DCC: variants seen among roughly 807,000 people sequenced by gnomAD.
DCC encodes netrin receptor DCC.
In DCC, 58 loss-of-function variants were observed where a neutral mutation model predicts 172.5. The ratio of observed to expected loss-of-function variants is 0.34; its 90% CI spans 0.27 to 0.42. DCC has a LOEUF of 0.42. Among genes scored for constraint, DCC ranks in the 10% least tolerant of loss-of-function variants. The probability of loss-of-function intolerance (pLI) is 1.00; values close to 1 mark genes in which losing one functional copy is unlikely to be tolerated. For missense variants in DCC, 1,740 were observed against 1,791.0 expected (o/e 0.97, Z 0.51); for synonymous variants, 709 against 644.5 (o/e 1.10, Z -1.52).
At chr18:53,046,484 A>T (rs115344458) in intron 5 of DCC, among the ~76,000 whole-genome samples, 2,087 of 151,620 alleles carry the variant, frequency 0.014, 66 homozygotes, top group African/African-American at 0.048. Flanking sequence ...AACTGGAAAA[A>T]AAAAAGCCTG....
At chr18:53,426,701 C>T (rs1599135799) in intron 21 of DCC, among the ~76,000 whole-genome samples, 2 of 151,982 alleles carry the variant, frequency 1.3e-5, no homozygotes, top group African/African-American at 4.8e-5. Flanking sequence ...ATTCACTTAA[C>T]ATTTTCCGTC....
In DCC at chr18:52,752,220, T is replaced by C; in HGVS notation, c.258T>C (p.Asp86=). Residue 86 remains aspartate, a synonymous_variant, in exon 2 of 29, where the codon GAT becomes GAC. Coordinates refer to ENST00000442544, the MANE Select transcript of DCC (RefSeq NM_005215.4). ...KDGIHLALGM[D]ERKQQLSNGS... ...GCATTCATCTGGCCTTGGGAATGGA[T>C]GAAAGGAAGCAGCAACTTTCAAATG... The C allele has an allele frequency of 6.2e-7, 1 of 1,614,148 alleles. No individual in the cohort carries two copies. Among genetic ancestry groups the C allele is most frequent in the Non-Finnish European group, 8.5e-7 (1 of 1,180,032 alleles).
intron 27 of DCC, among the ~76,000 whole-genome samples, chr18:53,517,318 G>A (rs1302453264): frequency 4.0e-5 from 6 of 151,662 alleles, no homozygotes; most frequent in Non-Finnish European, 5.9e-5. Flanking sequence ...GGAGGCGGGA[G>A]GAATAGCATT....
Position 52,698,764 on chromosome 18 carries a change from A to AT in DCC, c.92-53272dup, listed in dbSNP as rs34646550. 1.8e-3 allele frequency among the ~76,000 whole-genome samples: 248 copies of AT among 134,156 alleles called. 3 individuals carry two copies. The highest frequency in any genetic ancestry group is 5.8e-3 in the African/African-American group (206 of 35,664). The allele number at this position is 134,156 out of a possible 152,430, so 88.0% of individuals were successfully genotyped here. On this transcript the variant is annotated intron_variant, in intron 1 of 28. Coordinates refer to ENST00000442544, the MANE Select transcript of DCC (RefSeq NM_005215.4). Reference sequence around the variant, plus strand: ...CAGGCTCCCGCCACCACGCCTGGCTATTTTTTTTTTTTTTTTTTGTAGTTT... The same window carrying AT: ...CAGGCTCCCGCCACCACGCCTGGCTATTTTTTTTTTTTTTTTTTTGTAGTTT...
intron 1 of DCC, among the ~76,000 whole-genome samples, chr18:52,551,424 G>A (rs535920993): frequency 2.3e-4 from 35 of 151,952 alleles, no homozygotes; most frequent in Non-Finnish European, 3.8e-4. Context: ...CCTCAGTGAC[G>A]CTCTACCATA....
rs116340841 is a variant in DCC, at chr18:52,975,397, C to T, written c.985+50027C>T. 6.2e-3 allele frequency among the ~76,000 whole-genome samples: 945 copies of T among 152,084 alleles called. 8 individuals carry two copies. The highest frequency in any genetic ancestry group is 0.02 in the African/African-American group (827 of 41,468). ...TATTCTAAGTTCAGGGGTACTCGTGCGGGTTTGTTGCATAGGTAAACTTGT... is the reference window on the plus strand; with the variant it reads ...TATTCTAAGTTCAGGGGTACTCGTGTGGGTTTGTTGCATAGGTAAACTTGT... On this transcript the variant is annotated intron_variant, in intron 5 of 28. Coordinates refer to ENST00000442544, the MANE Select transcript of DCC (RefSeq NM_005215.4).
At chr18:53,484,957 T>A (rs969339671) in intron 25 of DCC, among the ~76,000 whole-genome samples, 1 of 151,842 alleles carries the variant, frequency 6.6e-6, no homozygotes, top group African/African-American at 2.4e-5. Flanking sequence ...TACACAGAGA[T>A]AGAGAATGAA....
chr18:52,535,879 T>G (rs1021278299), intron 1 of DCC, among the ~76,000 whole-genome samples: 1 of 152,132 alleles, frequency 6.6e-6, no homozygotes, highest in Admixed American at 6.6e-5. Context: ...CAAAGCCTGA[T>G]TACACAGTGC....
chr18:52,632,526 T>C (rs1378559145), intron 1 of DCC, among the ~76,000 whole-genome samples: 1 of 152,190 alleles, frequency 6.6e-6, no homozygotes, highest in Non-Finnish European at 1.5e-5. Flanking sequence ...CATCCAACAA[T>C]TCAAAGTCAA....
At chr18:52,354,373 T>C (rs1224909640) in intron 1 of DCC, among the ~76,000 whole-genome samples, 2 of 152,160 alleles carry the variant, frequency 1.3e-5, no homozygotes, top group Non-Finnish European at 2.9e-5. Flanking sequence ...CAAGGCCTAT[T>C]ATGAGGGGAT....
chr18:52,650,941 T>C (rs1018814111), intron 1 of DCC, among the ~76,000 whole-genome samples: 5 of 152,156 alleles, frequency 3.3e-5, no homozygotes, highest in Admixed American at 1.3e-4. Context: ...ATACAAGAAG[T>C]ACAAAGAACA....
chr18:53,121,357 A>C (rs1366923645), intron 7 of DCC, among the ~76,000 whole-genome samples: 1 of 151,952 alleles, frequency 6.6e-6, no homozygotes, highest in African/African-American at 2.4e-5. Context: ...AAATTATGTT[A>C]AATATTATAG....
At chr18:52,756,695 C>T (rs1456622358) in intron 2 of DCC, among the ~76,000 whole-genome samples, 1 of 152,168 alleles carries the variant, frequency 6.6e-6, no homozygotes, top group Admixed American at 6.5e-5. Flanking sequence ...TCTGGCCAAG[C>T]ACATCTTCCC....
intron 1 of DCC, among the ~76,000 whole-genome samples, chr18:52,454,619 CT>C (rs1346834068): frequency 6.6e-6 from 1 of 152,064 alleles, no homozygotes; most frequent in African/African-American, 2.4e-5. Context: ...TGACCCTCAC[CT>C]TGTCGAAAAT....
At chr18:53,011,094 A>T (rs1477803176) in intron 5 of DCC, among the ~76,000 whole-genome samples, 3 of 151,482 alleles carry the variant, frequency 2.0e-5, no homozygotes, top group Admixed American at 6.6e-5. Context: ...CTTTAAAAAC[A>T]TCCCTAAACT....
At chr18:53,456,820 T>C (rs1323351233) in intron 23 of DCC, among the ~76,000 whole-genome samples, 1 of 152,202 alleles carries the variant, frequency 6.6e-6, no homozygotes, top group Non-Finnish European at 1.5e-5. Context: ...GCAGCAGTCG[T>C]GTCAAGAACC....
At chr18:52,891,318 C>T (rs1322460842) in intron 2 of DCC, among the ~76,000 whole-genome samples, 2 of 152,044 alleles carry the variant, frequency 1.3e-5, no homozygotes, top group Non-Finnish European at 2.9e-5. Context: ...TAATTTGCTT[C>T]AGTAGCTTCA....
chr18:53,018,880 A>G (rs2143910773), intron 5 of DCC, among the ~76,000 whole-genome samples: 1 of 152,290 alleles, frequency 6.6e-6, no homozygotes, highest in African/African-American at 2.4e-5. Flanking sequence ...TTATACCAAA[A>G]TCATGATTGT....
intron 9 of DCC, among the ~76,000 whole-genome samples, chr18:53,190,100 A>G (rs756784462): frequency 3.3e-5 from 5 of 151,784 alleles, no homozygotes; most frequent in Non-Finnish European, 5.9e-5. Context: ...CTAATTTTGT[A>G]TATTTAGCAG....
Sources: gnomAD v4.1 joint callset for allele counts (sites outside exome capture counted in the v4.1 genomes callset) on GRCh38, gnomAD v4.1.1 for gene constraint, MANE v1.5 for transcripts, NCBI Gene and HGNC (gene_info 2026-07-23, HGNC 2026-07-21) for gene names.